GPD2: variants seen among roughly 807,000 people sequenced by gnomAD.
The protein encoded by GPD2 is glycerol-3-phosphate dehydrogenase 2, also known as glycerol-3-phosphate dehydrogenase, mitochondrial.
In GPD2, 54 loss-of-function variants were observed where a neutral mutation model predicts 82.4. That is an observed-to-expected ratio of 0.66 (90% CI 0.53 to 0.82). The LOEUF (loss-of-function observed/expected upper bound fraction) is 0.82. GPD2 is among the 40% of genes least tolerant of loss of function. The pLI is 0.00. For missense variants in GPD2, 748 were observed against 896.2 expected (o/e 0.83, Z 2.11); for synonymous variants, 288 against 306.1 (o/e 0.94, Z 0.62).
At chr2:156,502,173 T>A (rs1257295705) in intron 3 of GPD2, among the ~76,000 whole-genome samples, 1 of 151,952 alleles carries the variant, frequency 6.6e-6, no homozygotes, top group Non-Finnish European at 1.5e-5. Flanking sequence ...ATATTCCATG[T>A]GAATCAAGGA....
chr2:156,584,294 C>T lies in GPD2; in HGVS notation c.*1376C>T, dbSNP rs1331186808. On this transcript the variant is annotated 3_prime_UTR_variant, in exon 17 of 17. Transcript: ENST00000438166. ...TACTTTTTTGTTGTTGTTTTTTTAA[C>T]ATCAGGTTCTGTATCTAATAGGAGA... 1 of 151,916 alleles carries T rather than the reference C, an allele frequency of 6.6e-6. No homozygotes were observed. The highest frequency in any genetic ancestry group is 1.5e-5 in the Non-Finnish European group (1 of 67,944). The allele number at this position is 151,916 out of a possible 1,614,324, so 9.4% of individuals were successfully genotyped here.
intron 6 of GPD2, among the ~76,000 whole-genome samples, chr2:156,544,111 C>T (rs1324605752): frequency 6.6e-6 from 1 of 152,114 alleles, no homozygotes; most frequent in Non-Finnish European, 1.5e-5. Flanking sequence ...TCAGGTGGCT[C>T]TTCTGATATA....
At chr2:156,567,330 G>A (rs1286669392) in intron 9 of GPD2, among the ~76,000 whole-genome samples, 2 of 151,838 alleles carry the variant, frequency 1.3e-5, no homozygotes, top group Admixed American at 1.3e-4. Flanking sequence ...TATAGTTTTA[G>A]CTCTTATGTT....
intron 2 of GPD2, among the ~76,000 whole-genome samples, chr2:156,482,348 A>G (rs1166162185): frequency 1.3e-5 from 2 of 152,196 alleles, no homozygotes; most frequent in Admixed American, 6.5e-5. Context: ...TCTAACTGTT[A>G]TAATAAGTTC....
intron 8 of GPD2, among the ~76,000 whole-genome samples, chr2:156,556,558 G>T (rs925236013): frequency 5.9e-5 from 9 of 152,142 alleles, no homozygotes; most frequent in African/African-American, 2.2e-4. Context: ...TTTTAGAATA[G>T]TAAATATCAG....
chr2:156,499,750 T>C (rs1684519312), intron 3 of GPD2, among the ~76,000 whole-genome samples: 1 of 151,808 alleles, frequency 6.6e-6, no homozygotes, highest in Non-Finnish European at 1.5e-5. Context: ...TTAATAACTT[T>C]ATGGAAAAAC....
intron 3 of GPD2, among the ~76,000 whole-genome samples, chr2:156,509,408 T>A (rs751644019): frequency 3.9e-5 from 6 of 152,214 alleles, no homozygotes; most frequent in Non-Finnish European, 5.9e-5. Context: ...CATGCACAGG[T>A]TCTCCTAAAT....
chr2:156,528,535 C>T (rs1300594191), intron 6 of GPD2, among the ~76,000 whole-genome samples: 1 of 150,306 alleles, frequency 6.7e-6, no homozygotes, highest in African/African-American at 2.4e-5. Flanking sequence ...TGCGCTGCAC[C>T]CACTAACTTG....
chr2:156,507,219 C>T (rs918895803), intron 3 of GPD2, among the ~76,000 whole-genome samples: 15 of 152,126 alleles, frequency 9.9e-5, no homozygotes, highest in Non-Finnish European at 1.5e-4. Flanking sequence ...GCCAGGTTGA[C>T]CAGGCTGGTC....
At chr2:156,434,400 C>T (rs1688364088), upstream of GPD2, among the ~76,000 whole-genome samples, 1 of 152,146 alleles carries the variant, frequency 6.6e-6, no homozygotes, top group African/African-American at 2.4e-5. Flanking sequence ...CTGCGCCTGC[C>T]CGGCCACAAG....
Position 156,464,155 on chromosome 2 carries a change from G to A in GPD2, c.-8-11943G>A, listed in dbSNP as rs80287457. ...ATATTTTCTTCACTTTTTTTGGAGT[G>A]GGGATGGAGCATTTAGGAAATACAT... On this transcript the variant is annotated intron_variant, in intron 1 of 16. Transcript: ENST00000438166. Among the ~76,000 whole-genome samples, 17 of 152,190 alleles carry A rather than the reference G, an allele frequency of 1.1e-4. No homozygotes were observed. In the East Asian group the frequency reaches 3.1e-3, roughly 28 times the overall value.
intron 6 of GPD2, among the ~76,000 whole-genome samples, chr2:156,514,374 T>G (rs1320872750): frequency 6.6e-6 from 1 of 152,040 alleles, no homozygotes; most frequent in Non-Finnish European, 1.5e-5. Context: ...AATTTTGTGA[T>G]GCAGAGGACA....
chr2:156,516,641 C>G (rs1250937975), intron 6 of GPD2, among the ~76,000 whole-genome samples: 4 of 152,166 alleles, frequency 2.6e-5, no homozygotes, highest in Non-Finnish European at 4.4e-5. Flanking sequence ...GACAAGGTCT[C>G]CCTGTATTGC....
intron 2 of GPD2, among the ~76,000 whole-genome samples, chr2:156,486,230 A>G (rs973562893): frequency 1.3e-5 from 2 of 152,222 alleles, no homozygotes; most frequent in Non-Finnish European, 2.9e-5. Context: ...TTTATTTAAC[A>G]CTTAGCCCCC....
intron 6 of GPD2, among the ~76,000 whole-genome samples, chr2:156,540,188 C>T (rs1295819262): frequency 6.6e-6 from 1 of 152,176 alleles, no homozygotes; most frequent in African/African-American, 2.4e-5. Context: ...ACCAGTGCAC[C>T]GAAGACTTGA....
At chr2:156,444,423 A>G (rs1039821233) in intron 1 of GPD2, among the ~76,000 whole-genome samples, 3 of 152,166 alleles carry the variant, frequency 2.0e-5, no homozygotes, top group Admixed American at 6.5e-5. Flanking sequence ...TCTAAAAAAT[A>G]TAGATTCCGC....
the GPD2 span, among the ~76,000 whole-genome samples, chr2:156,401,174 C>T: frequency 1.3e-5 from 2 of 152,286 alleles, no homozygotes; most frequent in South Asian, 2.1e-4. Context: ...GAACCCGGGC[C>T]TCCCGCGTGG....
chr2:156,497,586 A>C (rs1387544145), intron 3 of GPD2, among the ~76,000 whole-genome samples: 1 of 152,128 alleles, frequency 6.6e-6, no homozygotes, highest in African/African-American at 2.4e-5. Flanking sequence ...CTCTTGATTT[A>C]GTTACTTTAT....
intron 9 of GPD2, among the ~76,000 whole-genome samples, chr2:156,558,867 C>T (rs368859021): frequency 3.4e-5 from 5 of 148,206 alleles, no homozygotes; most frequent in Admixed American, 6.8e-5. Flanking sequence ...CCACCGGCCT[C>T]GGCCTCCCAA....
Sources: gnomAD v4.1 joint callset for allele counts (sites outside exome capture counted in the v4.1 genomes callset) on GRCh38, gnomAD v4.1.1 for gene constraint, MANE v1.5 for transcripts, NCBI Gene and HGNC (gene_info 2026-07-23, HGNC 2026-07-21) for gene names.